Variants in TENM3 observed in about 807,000 individuals in gnomAD.
TENM3 encodes the protein teneurin transmembrane protein 3, also known as teneurin-3.
Under a neutral mutation model 255.1 loss-of-function variants are expected in TENM3, and 63 were observed. That is an observed-to-expected ratio of 0.25 (90% CI 0.20 to 0.30). The LOEUF is 0.30. TENM3 is among the 10% of genes least tolerant of loss of function. The pLI, the probability that TENM3 is intolerant of heterozygous loss-of-function variation, is 1.00. For missense variants in TENM3, 2,929 were observed against 3,461.1 expected, an observed-to-expected ratio of 0.85 and a Z score of 3.86; for synonymous variants, 1,306 against 1,322.3, an observed-to-expected ratio of 0.99 and a Z score of 0.27.
chr4:181,960,885 C>T, the TENM3 span, among the ~76,000 whole-genome samples: 20 of 152,172 alleles, frequency 1.3e-4, no homozygotes, highest in Admixed American at 7.2e-4. Flanking sequence ...TTTGCGTCAT[C>T]TCCCCAGCAA....
chr4:182,047,140 G>T, the TENM3 span, among the ~76,000 whole-genome samples: 1 of 152,156 alleles, frequency 6.6e-6, no homozygotes, highest in South Asian at 2.1e-4. Context: ...TGATAAATAG[G>T]AGGGTTAGAA....
At chr4:181,566,850 C>T in the TENM3 span, among the ~76,000 whole-genome samples, 3 of 152,212 alleles carry the variant, frequency 2.0e-5, no homozygotes, top group South Asian at 4.1e-4. Flanking sequence ...TAGGCTGCTT[C>T]GCCACATCAC....
rs527726465 is a variant in TENM3, at chr4:182,450,297, C to T, written c.511+103368C>T. On this transcript the variant is annotated intron_variant, in intron 3 of 27. Transcript: ENST00000511685. ...AGTACTTAAGAAAGGATTGCAAATA[C>T]CCAGAGAAGGCATTTAAGAAATCAG... Among the ~76,000 whole-genome samples the T allele has an allele frequency of 3.3e-5, 5 of 152,306 alleles. No individual in the cohort carries two copies. The Middle Eastern group carries it at 0.01, about 311-fold the overall frequency.
At chr4:181,461,529 C>T in the TENM3 span, among the ~76,000 whole-genome samples, 2 of 152,128 alleles carry the variant, frequency 1.3e-5, no homozygotes, top group Non-Finnish European at 2.9e-5. Context: ...CTCTACACGT[C>T]ATTGATGCTC....
chr4:182,662,588 C>T (rs1295003148), intron 6 of TENM3, among the ~76,000 whole-genome samples: 1 of 152,152 alleles, frequency 6.6e-6, no homozygotes, highest in Admixed American at 6.5e-5. Flanking sequence ...TTCCCAGGTT[C>T]AGGCTCTAGG....
intron 3 of TENM3, among the ~76,000 whole-genome samples, chr4:182,568,900 C>A (rs187736793): frequency 6.6e-6 from 1 of 152,298 alleles, no homozygotes; most frequent in African/African-American, 2.4e-5. Flanking sequence ...CTGTATGATT[C>A]CAGTTACTTG....
the TENM3 span, among the ~76,000 whole-genome samples, chr4:181,540,749 G>A: frequency 6.6e-6 from 1 of 152,066 alleles, no homozygotes; most frequent in Non-Finnish European, 1.5e-5. Context: ...CAAAAACAAA[G>A]ACTCAAACTG....
At chr4:182,082,897 C>T in the TENM3 span, among the ~76,000 whole-genome samples, 7 of 152,162 alleles carry the variant, frequency 4.6e-5, no homozygotes, top group African/African-American at 7.2e-5. Context: ...TAGAGAAAAA[C>T]GTGCCACTCC....
At chr4:182,086,331 A>C in the TENM3 span, among the ~76,000 whole-genome samples, 1 of 152,212 alleles carries the variant, frequency 6.6e-6, no homozygotes, top group African/African-American at 2.4e-5. Flanking sequence ...GCAGGAATAC[A>C]GCTAAGACAC....
At chr4:181,992,062 A>T in the TENM3 span, among the ~76,000 whole-genome samples, 1 of 152,166 alleles carries the variant, frequency 6.6e-6, no homozygotes, top group Non-Finnish European at 1.5e-5. Context: ...GTGTGTGTTC[A>T]TCACTTTAAT....
At chr4:182,780,580 C>T (rs577040210) in intron 24 of TENM3, among the ~76,000 whole-genome samples, 2 of 127,320 alleles carry the variant, frequency 1.6e-5, no homozygotes, top group South Asian at 2.8e-4. Flanking sequence ...TAGTTTTTTC[C>T]AATTCTGTGA....
intron 22 of TENM3, among the ~76,000 whole-genome samples, chr4:182,756,508 G>A (rs575825774): frequency 6.6e-6 from 1 of 152,314 alleles, no homozygotes; most frequent in South Asian, 2.1e-4. Context: ...GAGATGGCAT[G>A]TTGACAAACG....
intron 1 of TENM3, among the ~76,000 whole-genome samples, chr4:182,290,224 A>T (rs993518775): frequency 1.3e-5 from 2 of 152,128 alleles, no homozygotes; most frequent in African/African-American, 4.8e-5. Context: ...TGTCGACTGA[A>T]TGAGTGATGA....
chr4:182,733,076 C>T (rs889236517), intron 16 of TENM3, among the ~76,000 whole-genome samples: 1 of 152,012 alleles, frequency 6.6e-6, no homozygotes, highest in African/African-American at 2.4e-5. Context: ...TGTCAGGTTG[C>T]GATGAGACTT....
the TENM3 span, among the ~76,000 whole-genome samples, chr4:182,009,336 C>T: frequency 6.6e-6 from 1 of 152,092 alleles, no homozygotes; most frequent in African/African-American, 2.4e-5. Context: ...TACCAGGAGG[C>T]TCTCCTGGTA....
At chr4:181,517,845 A>G in the TENM3 span, among the ~76,000 whole-genome samples, 1 of 152,182 alleles carries the variant, frequency 6.6e-6, no homozygotes, top group African/African-American at 2.4e-5. Flanking sequence ...TTTGGATAAT[A>G]TCTTGGTGTA....
chr4:181,776,305 T>G, the TENM3 span, among the ~76,000 whole-genome samples: 4 of 152,162 alleles, frequency 2.6e-5, no homozygotes, highest in African/African-American at 9.6e-5. Flanking sequence ...ACACAAATTT[T>G]CTTTATTCAT....
chr4:181,831,968 T>TTGTG, the TENM3 span, among the ~76,000 whole-genome samples: 9,821 of 132,518 alleles, frequency 0.074, 405 homozygotes, highest in African/African-American at 0.097. Context: ...ATATATTACA[T>TTGTG]TGTGTGTGTG....
intron 12 of TENM3, among the ~76,000 whole-genome samples, chr4:182,708,267 G>A (rs902476730): frequency 1.3e-5 from 2 of 152,092 alleles, no homozygotes; most frequent in African/African-American, 4.8e-5. Context: ...CAGGGCTGGC[G>A]GCAAAGTGCT....
Sources: gnomAD v4.1 joint callset for allele counts (sites outside exome capture counted in the v4.1 genomes callset) on GRCh38, gnomAD v4.1.1 for gene constraint, MANE v1.5 for transcripts, NCBI Gene and HGNC (gene_info 2026-07-23, HGNC 2026-07-21) for gene names.